CIT: variants seen among roughly 807,000 people sequenced by gnomAD.
CIT encodes citron rho-interacting serine/threonine kinase.
Under a neutral mutation model 272.7 loss-of-function variants are expected in CIT, and 79 were observed. The ratio of observed to expected loss-of-function variants is 0.29; its 90% CI spans 0.24 to 0.35. The LOEUF (loss-of-function observed/expected upper bound fraction) is 0.35. Among genes scored for constraint, CIT ranks in the 10% least tolerant of loss-of-function variants. The pLI, the probability that CIT is intolerant of heterozygous loss-of-function variation, is 1.00. For missense variants in CIT, 1,909 were observed against 2,618.3 expected (o/e 0.73, Z 5.91); for synonymous variants, 948 against 995.6 (o/e 0.95, Z 0.90).
intron 5 of CIT, among the ~76,000 whole-genome samples, chr12:119,849,599 C>T (rs1970061545): frequency 6.6e-6 from 1 of 151,876 alleles, no homozygotes; most frequent in South Asian, 2.1e-4. Flanking sequence ...TACATAATGA[C>T]AGACTATTCC....
At chr12:119,703,605 T>C (rs1292722901) in intron 41 of CIT, among the ~76,000 whole-genome samples, 1 of 152,092 alleles carries the variant, frequency 6.6e-6, no homozygotes, top group African/African-American at 2.4e-5. Flanking sequence ...TTTGTATTTT[T>C]AGTAGAGACA....
chr12:119,786,230 G>C (rs1424909350), intron 10 of CIT, among the ~76,000 whole-genome samples: 1 of 152,024 alleles, frequency 6.6e-6, no homozygotes, highest in Non-Finnish European at 1.5e-5. Flanking sequence ...AGGGAGCTGG[G>C]GTAGACAAGT....
intron 24 of CIT, among the ~76,000 whole-genome samples, chr12:119,742,104 T>C (rs1298875364): frequency 6.6e-6 from 1 of 152,210 alleles, no homozygotes; most frequent in East Asian, 1.9e-4. Context: ...GAGGTGGAAC[T>C]GCCTTGGGAT....
chr12:119,754,575 G>C (rs1453044669), intron 22 of CIT, among the ~76,000 whole-genome samples: 1 of 152,232 alleles, frequency 6.6e-6, no homozygotes, highest in Non-Finnish European at 1.5e-5. Context: ...CACACACCTG[G>C]CTAGAGAAGA....
At chr12:119,825,460 C>A in intron 7 of CIT, 92 bp from the exon 8 acceptor site, 1 of 1,159,510 alleles carries the variant, frequency 8.6e-7, no homozygotes, top group Non-Finnish European at 1.3e-6. Flanking sequence ...AGCTGATTTG[C>A]CACTGATTAC....
intron 28 of CIT, among the ~76,000 whole-genome samples, chr12:119,727,052 C>T (rs1958154769): frequency 6.6e-6 from 1 of 152,182 alleles, no homozygotes; most frequent in African/African-American, 2.4e-5. Context: ...GTCCTATCGG[C>T]ATGAAACTTA....
intron 20 of CIT, among the ~76,000 whole-genome samples, chr12:119,760,526 C>T (rs996329417): frequency 6.6e-6 from 1 of 151,622 alleles, no homozygotes; most frequent in Non-Finnish European, 1.5e-5. Flanking sequence ...ACTTGGGAGG[C>T]TGAGGTGGAA....
Position 119,718,627 on chromosome 12 carries a change from G to C in CIT, c.4003+72C>G, listed in dbSNP as rs1177775460. On this transcript the variant is annotated intron_variant, in intron 31 of 47. Transcript: ENST00000392521. This position sits in a 1 kb window ranked among gnomAD's most constrained non-coding sequence, Gnocchi z 4.8. ...CGAAGACACTGAGCTAGTTAGTCTT[G>C]GCTGATCTCACTGAGATCAATCCTC... 1.3e-6 allele frequency: 2 copies of C among 1,586,960 alleles called. No individual in the cohort carries two copies. Among genetic ancestry groups the C allele is most frequent in the African/African-American group, 1.3e-5 (1 of 74,296 alleles).
chr12:119,798,891 T>C (rs1566060958), intron 10 of CIT, among the ~76,000 whole-genome samples: 1 of 152,226 alleles, frequency 6.6e-6, no homozygotes, highest in Non-Finnish European at 1.5e-5. Context: ...ATTTGTACCA[T>C]GATATTCTGC....
chr12:119,704,422 G>A lies in CIT; in HGVS notation c.5245C>T (p.Pro1749Ser). The A allele has an allele frequency of 6.2e-7, 1 of 1,613,974 alleles. No homozygotes were observed. Among genetic ancestry groups the A allele is most frequent in the Non-Finnish European group, 8.5e-7 (1 of 1,179,858 alleles). ...ENGLCICAAM[P>S]SKVVILRYNE... ...TAGCGGAGAATGACGACTTTGCTGGGCATGGCTGCACAGATGCAGAGCCCG... is the reference window on the plus strand; with the variant it reads ...TAGCGGAGAATGACGACTTTGCTGGACATGGCTGCACAGATGCAGAGCCCG... Residue 1749 changes from proline to serine, a missense_variant, in exon 41 of 48, where the codon CCC becomes TCC. Around this residue, in one of 8 missense-constraint regions of CIT, gnomAD observed 780 missense variants for 1,067.2 expected, o/e 0.73. Coordinates refer to ENST00000392521, the MANE Select transcript of CIT (RefSeq NM_001206999.2).
chr12:119,712,754 G>A lies in CIT; in HGVS notation c.4580-59C>T, dbSNP rs554579414. The stretch of plus-strand genomic sequence containing the variant: ...AAAAGAACAGGAACAAGAACAAGGG[G>A]AGAAGAGAGAGCGAGAGAGACAGCA... On this transcript the variant is annotated intron_variant, in intron 35 of 47. Coordinates refer to ENST00000392521, the MANE Select transcript of CIT (RefSeq NM_001206999.2). This position sits in a 1 kb window ranked among gnomAD's most constrained non-coding sequence, Gnocchi z 5.2. 381 of 1,392,998 alleles carry A rather than the reference G, an allele frequency of 2.7e-4. 1 individual carries two copies. The African/African-American group carries it at 4.6e-3, about 17-fold the overall frequency. The allele number at this position is 1,392,998 out of a possible 1,614,324, so 86.3% of individuals were successfully genotyped here.
In CIT at chr12:119,876,151, A is replaced by G. The variant is rs755628356; in HGVS notation, c.18T>C (p.Tyr6=). The G allele has an allele frequency of 1.2e-5, 19 of 1,613,472 alleles. No homozygotes were observed. The highest frequency in any genetic ancestry group is 8.9e-5 in the East Asian group (4 of 44,838). MLKFK[Y]GARNPLDAGA... ...CAGCATCCAAAGGATTCCGCGCTCC[A>G]TATTTGAACTTCAACATCTCCCCAC... The change falls in exon 2 of 48, where the codon TAT becomes TAC. Residue 6 remains tyrosine (Y), a synonymous_variant. Transcript: ENST00000392521.
At chr12:119,836,740 G>A (rs1969048519) in intron 5 of CIT, among the ~76,000 whole-genome samples, 2 of 152,104 alleles carry the variant, frequency 1.3e-5, no homozygotes, top group Non-Finnish European at 2.9e-5. Flanking sequence ...GGCTGAGAAA[G>A]TCATACGCAT....
intron 9 of CIT, among the ~76,000 whole-genome samples, chr12:119,811,384 C>T (rs1257344712): frequency 6.6e-6 from 1 of 152,214 alleles, no homozygotes; most frequent in Non-Finnish European, 1.5e-5. Flanking sequence ...AAAATTATCC[C>T]ATCTCTTTGC....
intron 44 of CIT, among the ~76,000 whole-genome samples, chr12:119,699,447 G>A (rs994861172): frequency 1.9e-4 from 29 of 151,992 alleles, no homozygotes; most frequent in Non-Finnish European, 1.0e-4. Flanking sequence ...GGCAAGACTT[G>A]GTATTAGACT....
chr12:119,714,407 A>G, intron 32 of CIT, 73 bp from the exon 33 acceptor site: 1 of 1,513,422 alleles, frequency 6.6e-7, no homozygotes, highest in African/African-American at 1.4e-5. Context: ...AAGACAACCC[A>G]CAGAAAGGGA....
At chr12:119,766,876 TAA>T (rs36109532) in intron 19 of CIT, among the ~76,000 whole-genome samples, 3 of 138,636 alleles carry the variant, frequency 2.2e-5, no homozygotes, top group African/African-American at 2.6e-5. Context: ...TGACCACATT[TAA>T]AAAAAAAAAA....
chr12:119,843,520 G>GT (rs1397981367), intron 5 of CIT, among the ~76,000 whole-genome samples: 1 of 152,066 alleles, frequency 6.6e-6, no homozygotes, highest in African/African-American at 2.4e-5. Context: ...GATTTAAAAT[G>GT]TATCTTCAGG....
intron 5 of CIT, among the ~76,000 whole-genome samples, chr12:119,849,704 G>A (rs368984503): frequency 1.4e-3 from 157 of 112,846 alleles, no homozygotes; most frequent in African/African-American, 5.4e-3. Flanking sequence ...TTTTTTTTTT[G>A]AGATAGAGTC....
Sources: gnomAD v4.1 joint callset for allele counts (sites outside exome capture counted in the v4.1 genomes callset) on GRCh38, gnomAD v4.1.1 for gene constraint, gnomAD v4.1.1 regional missense constraint, Gnocchi (gnomAD v3.1) non-coding constraint, MANE v1.5 for transcripts, NCBI Gene and HGNC (gene_info 2026-07-23, HGNC 2026-07-21) for gene names.